Variants in HYDIN observed in about 807,000 individuals in gnomAD.
The protein encoded by HYDIN is axonemal central pair apparatus protein HYDIN.
In HYDIN, 132 loss-of-function variants were observed where a neutral mutation model predicts 403.9. The observed-to-expected ratio is 0.33, with a 90% CI of 0.28 to 0.38. The LOEUF (loss-of-function observed/expected upper bound fraction) is 0.38. Among genes scored for constraint, HYDIN ranks in the 10% least tolerant of loss-of-function variants. The probability of loss-of-function intolerance (pLI) is 1.00; values close to 1 mark genes in which losing one functional copy is unlikely to be tolerated. For synonymous variants in HYDIN, 1,202 were observed against 1,891.7 expected, an observed-to-expected ratio of 0.64 and a Z score of 9.46; for missense variants, 2,827 against 5,009.5, an observed-to-expected ratio of 0.56 and a Z score of 13.15.
intron 19 of HYDIN, among the ~76,000 whole-genome samples, chr16:71,030,360 AC>A (rs1422111172): frequency 3.3e-5 from 5 of 151,840 alleles, no homozygotes; most frequent in South Asian, 2.1e-4. Context: ...CCCAGCCCAA[AC>A]CTTATATATG....
At position 70,872,251 on chromosome 16, in the gene HYDIN, T is replaced by C. The variant is rs2143655112; in HGVS notation, c.10949-72A>G. On this transcript the variant is annotated intron_variant, in intron 64 of 85. Coordinates refer to ENST00000393567, the MANE Select transcript of HYDIN (RefSeq NM_001270974.2). ...GAGGGCCTGCTGCCTTAAGGAGGCA[T>C]AGTGCTTCACTCACATGCAGTCCTT... 9.8e-6 allele frequency: 6 copies of C among 615,332 alleles called. No individual in the cohort carries two copies. The East Asian group carries it at 1.8e-4, about 19-fold the overall frequency. The allele number at this position is 615,332 out of a possible 1,614,324, so 38.1% of individuals were successfully genotyped here.
At chr16:71,080,077 G>A in intron 12 of HYDIN, 125 bp from the exon 13 acceptor site, 1 of 595,578 alleles carries the variant, frequency 1.7e-6, no homozygotes, top group South Asian at 2.1e-5. Context: ...ATAGTATCCA[G>A]GATTTAGAGA....
chr16:70,995,362 A>G (rs1396691323), intron 23 of HYDIN, among the ~76,000 whole-genome samples: 1 of 152,178 alleles, frequency 6.6e-6, no homozygotes, highest in Non-Finnish European at 1.5e-5. Context: ...AGCTCCCCGT[A>G]TCAGAATCAT....
intron 6 of HYDIN, among the ~76,000 whole-genome samples, chr16:71,159,825 A>T (rs80330634): frequency 6.6e-6 from 1 of 152,154 alleles, no homozygotes; most frequent in Non-Finnish European, 1.5e-5. Context: ...GTGAAAAAAA[A>T]TATCTTCCAA....
rs375342876 is a variant in HYDIN at position 70,970,194 on chromosome 16, A to C, written c.5619+326T>G. The stretch of plus-strand genomic sequence containing the variant: ...CACTAAATGTAAACTAAATATATCA[A>C]CTAAAGTCTAAATATATCAACTAAA... On this transcript the variant is annotated intron_variant, in intron 36 of 85. Coordinates refer to ENST00000393567, the MANE Select transcript of HYDIN (RefSeq NM_001270974.2). Among the ~76,000 whole-genome samples, 15 of 54,376 alleles carry C rather than the reference A, an allele frequency of 2.8e-4. 2 individuals are homozygous for C. Among genetic ancestry groups the C allele is most frequent in the East Asian group, 2.3e-3 (5 of 2,166 alleles). 35.7% of individuals were successfully genotyped at this position (54,376 alleles called of 152,430 possible). A position where few individuals can be genotyped will look rare whatever the true frequency, so the allele number is the denominator to read the frequency against.
intron 8 of HYDIN, among the ~76,000 whole-genome samples, chr16:71,133,506 T>G (rs998324260): frequency 6.6e-6 from 1 of 152,232 alleles, no homozygotes; most frequent in African/African-American, 2.4e-5. Context: ...CTGATTTATC[T>G]AAGGAAACAT....
rs200927045 is a variant in HYDIN at position 70,817,301 on chromosome 16, A to G, written c.14658+1041T>C. 3.4e-4 allele frequency: 51 copies of G among 151,790 alleles called. No homozygotes were observed. The East Asian group carries it at 8.1e-3, about 24-fold the overall frequency. The allele number at this position is 151,790 out of a possible 1,614,324, so 9.4% of individuals were successfully genotyped here. Reference sequence around the variant, plus strand: ...CTAAAGTGAAAGCTATGCACACTCTATGACCTGTGGTTCTACTCCTAGGCA... The same window carrying G: ...CTAAAGTGAAAGCTATGCACACTCTGTGACCTGTGGTTCTACTCCTAGGCA... On this transcript the variant is annotated intron_variant, in intron 84 of 85. Transcript: ENST00000393567.
At chr16:70,944,365 T>C (rs1377634560) in intron 41 of HYDIN, among the ~76,000 whole-genome samples, 2 of 152,152 alleles carry the variant, frequency 1.3e-5, no homozygotes, top group African/African-American at 2.4e-5. Context: ...TTTCAGAAAG[T>C]GATGAGTGCT....
Position 70,862,267 on chromosome 16 carries a change from C to T in HYDIN, c.11570-12G>A, listed in dbSNP as rs1377760600. On this transcript the variant is annotated splice_polypyrimidine_tract_variant and intron_variant, in intron 68 of 85. Transcript: ENST00000393567. ...TTTTTGAGCTGAACCTGGGGACAGA[C>T]AGGGAGTGGGTGATATTCTGCATTT... 1.2e-6 allele frequency: 2 copies of T among 1,600,264 alleles called. No homozygotes were observed. The highest frequency in any genetic ancestry group is 3.4e-5 in the Admixed American group (2 of 58,788).
chr16:70,849,933 T>C lies in HYDIN; in HGVS notation c.12666A>G (p.Glu4222=). 1 of 626,816 alleles carries C rather than the reference T, an allele frequency of 1.6e-6. No homozygotes were observed. Among genetic ancestry groups the C allele is most frequent in the Non-Finnish European group, 2.9e-6 (1 of 349,182 alleles). The allele number at this position is 626,816 out of a possible 1,614,324, so 38.8% of individuals were successfully genotyped here. The change falls in exon 75 of 86, where the codon GAA becomes GAG. Residue 4222 remains glutamate (E), a synonymous_variant. Coordinates refer to ENST00000393567, the MANE Select transcript of HYDIN (RefSeq NM_001270974.2). ...IINFYEVELN[E]CVQCEFNFIN... is the part of the protein sequence containing the mutation. ...TAAAGTTGAATTCACACTGGACACATTCATTTAACTCCACCTAGGAGACAG... is the reference window on the plus strand; with the variant it reads ...TAAAGTTGAATTCACACTGGACACACTCATTTAACTCCACCTAGGAGACAG...
At chr16:71,080,433 T>G (rs1483954366) in intron 12 of HYDIN, 2 of 152,374 alleles carry the variant, frequency 1.3e-5, no homozygotes, top group Non-Finnish European at 2.9e-5. Flanking sequence ...CACTATGACA[T>G]TCACTCACTG....
At chr16:71,068,823 G>A (rs551358304) in intron 14 of HYDIN, among the ~76,000 whole-genome samples, 178 of 152,338 alleles carry the variant, frequency 1.2e-3, no homozygotes, top group African/African-American at 4.2e-3. Context: ...CATCCACCAT[G>A]AATGAAGCCT....
intron 1 of HYDIN, among the ~76,000 whole-genome samples, chr16:71,197,849 G>A (rs7190277): frequency 0.039 from 5,978 of 152,258 alleles, 435 homozygotes; most frequent in African/African-American, 0.14. Flanking sequence ...CCAGGTTCAC[G>A]CAATTCTCAT....
At chr16:70,824,448 T>C (rs1204014860) in intron 83 of HYDIN, among the ~76,000 whole-genome samples, 1 of 150,542 alleles carries the variant, frequency 6.6e-6, no homozygotes, top group East Asian at 1.9e-4. Flanking sequence ...TCTTAGATTG[T>C]CTTTCAACAG....
intron 36 of HYDIN, among the ~76,000 whole-genome samples, chr16:70,967,845 C>A (rs1410022286): frequency 3.3e-5 from 5 of 152,046 alleles, no homozygotes; most frequent in South Asian, 2.1e-4. Flanking sequence ...CTTGGCCTCC[C>A]AAAATGCTAG....
intron 5 of HYDIN, 97 bp from the exon 6 acceptor site, chr16:71,162,827 A>T (rs2086059137): frequency 1.7e-6 from 1 of 590,628 alleles, no homozygotes; most frequent in African/African-American, 1.9e-5. Context: ...TTGCAAAACA[A>T]CTTTTAGTAT....
chr16:70,887,849 A>AT (rs888378375), intron 58 of HYDIN, among the ~76,000 whole-genome samples: 4 of 151,034 alleles, frequency 2.6e-5, no homozygotes, highest in South Asian at 4.2e-4. Context: ...ATGCCTGGCT[A>AT]TTTTTTTGTA....
At chr16:70,961,815 C>T (rs1234255468) in intron 38 of HYDIN, 144 bp downstream of exon 38, 1 of 554,892 alleles carries the variant, frequency 1.8e-6, no homozygotes, top group Non-Finnish European at 3.2e-6. Context: ...ATCAGAGCTT[C>T]TCCGGAGGGC....
intron 5 of HYDIN, among the ~76,000 whole-genome samples, chr16:71,169,059 T>G (rs559319871): frequency 1.7e-4 from 26 of 152,162 alleles, no homozygotes; most frequent in Admixed American, 1.6e-3. Flanking sequence ...TGAACCCCCA[T>G]GTTCACTGCA....
Sources: allele counts gnomAD v4.1 joint callset (sites outside exome capture counted in the v4.1 genomes callset), GRCh38; gene constraint gnomAD v4.1.1; transcripts MANE v1.5; gene names NCBI Gene and HGNC (gene_info 2026-07-23, HGNC 2026-07-21).